Variants in CHST10 observed in about 807,000 individuals in gnomAD.
CHST10 encodes the protein HNK-1 sulfotransferase.
A neutral mutation model predicts 34.7 loss-of-function variants in CHST10; 24 were observed. The ratio of observed to expected loss-of-function variants is 0.69; its 90% CI spans 0.50 to 0.97. The LOEUF is 0.97. Among genes scored for constraint, CHST10 ranks in the 50% least tolerant of loss-of-function variants. CHST10 has a pLI of 0.00. For synonymous variants in CHST10, 161 were observed against 169.3 expected (o/e 0.95, Z 0.38); for missense variants, 402 against 452.1 (o/e 0.89, Z 1.00).
At chr2:100,398,903 CA>C (rs1415463252) in intron 4 of CHST10, among the ~76,000 whole-genome samples, 3 of 152,090 alleles carry the variant, frequency 2.0e-5, no homozygotes, top group Admixed American at 2.0e-4. Flanking sequence ...TGTGCCAGTA[CA>C]CACAGAAGTT....
chr2:100,410,706 G>A (rs547640980), intron 2 of CHST10, among the ~76,000 whole-genome samples: 2 of 152,290 alleles, frequency 1.3e-5, no homozygotes, highest in South Asian at 4.1e-4. Context: ...CAAATGCTAT[G>A]AGGACTTCAG....
At chr2:100,415,273 T>C (rs1676019986) in intron 1 of CHST10, among the ~76,000 whole-genome samples, 162 bp from the exon 2 acceptor site, 1 of 152,202 alleles carries the variant, frequency 6.6e-6, no homozygotes, top group South Asian at 2.1e-4. Context: ...TATATTTGGA[T>C]TTCTTGGTAA....
At chr2:100,409,916 G>C (rs1046462039) in intron 2 of CHST10, among the ~76,000 whole-genome samples, 1 of 152,168 alleles carries the variant, frequency 6.6e-6, no homozygotes, top group Non-Finnish European at 1.5e-5. Context: ...GAGAAGGGTG[G>C]ACTGCAGGGT....
intron 5 of CHST10, among the ~76,000 whole-genome samples, chr2:100,396,764 C>G (rs1675077333): frequency 6.6e-6 from 1 of 152,216 alleles, no homozygotes; most frequent in Admixed American, 6.5e-5. Context: ...TTCTGTATTA[C>G]ATGATCCAGC....
intron 2 of CHST10, among the ~76,000 whole-genome samples, chr2:100,408,931 C>G (rs1675696644): frequency 6.6e-6 from 1 of 151,976 alleles, no homozygotes; most frequent in Non-Finnish European, 1.5e-5. Flanking sequence ...GTAAAAGGAA[C>G]AGGATGTACC....
chr2:100,400,574 G>A (rs1445115782), intron 4 of CHST10, among the ~76,000 whole-genome samples: 1 of 152,194 alleles, frequency 6.6e-6, no homozygotes, highest in East Asian at 1.9e-4. Flanking sequence ...TTGTGTGTAA[G>A]AATGAGCATT....
intron 4 of CHST10, 123 bp downstream of exon 4, chr2:100,402,441 A>ACAC: frequency 1.4e-6 from 1 of 723,614 alleles, no homozygotes; most frequent in Non-Finnish European, 2.4e-6. Flanking sequence ...TGGAGAAGTA[A>ACAC]CACAGGAAAA....
chr2:100,395,499 C>A lies in CHST10; in HGVS notation c.533+10G>T, dbSNP rs753005333. The A allele has an allele frequency of 6.2e-7, 1 of 1,609,772 alleles. No individual in the cohort carries two copies. Among genetic ancestry groups the A allele is most frequent in the Non-Finnish European group, 8.5e-7 (1 of 1,176,456 alleles). On this transcript the variant is annotated intron_variant, in intron 6 of 6. Transcript: ENST00000264249. The stretch of plus-strand genomic sequence containing the variant: ...AACTCCCCCCTCCCCTTTGAGGAAG[C>A]TGTTCTCACCGCTTCTGAATTTCTG...
At chr2:100,412,435 C>T (rs1057280230) in intron 2 of CHST10, among the ~76,000 whole-genome samples, 19 of 151,956 alleles carry the variant, frequency 1.3e-4, no homozygotes, top group African/African-American at 4.1e-4. Flanking sequence ...ATGTCTGGGG[C>T]GGTACCTGGG....
intron 4 of CHST10, among the ~76,000 whole-genome samples, chr2:100,399,213 C>T (rs1010501669): frequency 2.0e-5 from 3 of 152,126 alleles, no homozygotes; most frequent in Non-Finnish European, 4.4e-5. Flanking sequence ...CCGCCATTCT[C>T]CTGCCTCAGC....
At chr2:100,402,806 C>G in intron 3 of CHST10, 151 bp from the exon 4 acceptor site, 1 of 624,468 alleles carries the variant, frequency 1.6e-6, no homozygotes, top group Non-Finnish European at 2.8e-6. Context: ...GGAGGGCAGT[C>G]TGTCCAACAA....
At chr2:100,416,305 CCTTT>C (rs1277974150) in intron 1 of CHST10, 2 of 152,214 alleles carry the variant, frequency 1.3e-5, no homozygotes, top group African/African-American at 2.4e-5. Context: ...CAAATTCTTT[CCTTT>C]CTTTGTTCAG....
At chr2:100,396,132 G>C (rs563681111) in intron 5 of CHST10, among the ~76,000 whole-genome samples, 3 of 152,180 alleles carry the variant, frequency 2.0e-5, no homozygotes, top group Non-Finnish European at 4.4e-5. Context: ...TGGCTCTCAG[G>C]TACCCCAGCA....
chr2:100,403,009 C>T (rs766445275), intron 3 of CHST10, among the ~76,000 whole-genome samples: 2 of 152,154 alleles, frequency 1.3e-5, no homozygotes, highest in Non-Finnish European at 2.9e-5. Flanking sequence ...AAGACAAGCT[C>T]CAGATAGGGA....
chr2:100,401,720 T>C (rs563753230), intron 4 of CHST10, among the ~76,000 whole-genome samples: 1 of 152,294 alleles, frequency 6.6e-6, no homozygotes, highest in East Asian at 1.9e-4. Context: ...CTCCATTCCA[T>C]CAATGTCCTA....
chr2:100,412,965 T>A (rs545071907), intron 2 of CHST10, among the ~76,000 whole-genome samples: 138 of 152,218 alleles, frequency 9.1e-4, no homozygotes, highest in Non-Finnish European at 1.8e-3. Flanking sequence ...GCATTCCAAA[T>A]TCACTTCACC....
intron 1 of CHST10, chr2:100,416,883 C>A (rs1348984439): frequency 9.7e-7 from 1 of 1,031,364 alleles, no homozygotes; most frequent in Non-Finnish European, 1.3e-6. Context: ...CATGCCTCAA[C>A]CTCCAACTTC....
intron 3 of CHST10, among the ~76,000 whole-genome samples, chr2:100,403,875 T>C (rs777922695): frequency 6.6e-6 from 1 of 152,206 alleles, no homozygotes; most frequent in Non-Finnish European, 1.5e-5. Context: ...GAGGGGTTCC[T>C]GTGCTGCCCA....
At chr2:100,417,031 C>T (rs1019166631) in intron 1 of CHST10, 29 of 1,304,248 alleles carry the variant, frequency 2.2e-5, no homozygotes, top group Non-Finnish European at 2.9e-5. Context: ...CCTCTGCATG[C>T]TCCTTGGACC....
Sources: gnomAD v4.1 joint callset for allele counts (sites outside exome capture counted in the v4.1 genomes callset) on GRCh38, gnomAD v4.1.1 for gene constraint, MANE v1.5 for transcripts, NCBI Gene and HGNC (gene_info 2026-07-23, HGNC 2026-07-21) for gene names.